TENT5A: variants seen among roughly 807,000 people sequenced by gnomAD.
TENT5A encodes terminal nucleotidyltransferase 5A, also known as HBV X-transactivated gene 11 protein.
Under a neutral mutation model 30.2 loss-of-function variants are expected in TENT5A, and 9 were observed. That is an observed-to-expected ratio of 0.30 (90% confidence interval 0.18 to 0.52). The LOEUF (loss-of-function observed/expected upper bound fraction) is 0.52, where lower values mean the gene tolerates loss of function less well. Among genes scored for constraint, TENT5A ranks in the 20% least tolerant of loss-of-function variants. TENT5A has a pLI of 0.97. For synonymous variants in TENT5A, 264 were observed against 234.2 expected (o/e 1.13, Z -1.16); for missense variants, 411 against 566.1 (o/e 0.73, Z 2.78).
chr6:81,746,596 A>C lies in TENT5A; in HGVS notation c.*3099T>G. The C allele has an allele frequency of 8.1e-7, 1 of 1,232,080 alleles. No individual in the cohort carries two copies. The highest frequency in any genetic ancestry group is 1.0e-6 in the Non-Finnish European group (1 of 987,904). 76.3% of individuals were successfully genotyped at this position (1,232,080 alleles called of 1,614,324 possible). A position where few individuals can be genotyped will look rare whatever the true frequency, so the allele number is the denominator to read the frequency against. On this transcript the variant is annotated 3_prime_UTR_variant, in exon 3 of 3. Transcript: ENST00000320172. ...TTACTGCAAATTAAGTAAACCTTTA[A>C]AAACGGCATTGTCACAGGCTATGTG...
chr6:81,747,448 C>G lies in TENT5A; in HGVS notation c.*2247G>C. The G allele has an allele frequency of 1.0e-6, 1 of 985,808 alleles. No individual in the cohort carries two copies. The highest frequency in any genetic ancestry group is 1.2e-6 in the Non-Finnish European group (1 of 829,912). 61.1% of individuals were successfully genotyped at this position (985,808 alleles called of 1,614,324 possible). ...AGTGCAGCGGCTGTTGCAGCTCTGA[C>G]AGAATTCACAAGGAAGCTGCTACAG... On this transcript the variant is annotated 3_prime_UTR_variant, in exon 3 of 3. Coordinates refer to ENST00000320172, the MANE Select transcript of TENT5A (RefSeq NM_017633.3).
In TENT5A at chr6:81,747,452, A is replaced by G. The variant is rs1034443541; in HGVS notation, c.*2243T>C. On this transcript the variant is annotated 3_prime_UTR_variant, in exon 3 of 3. Transcript: ENST00000320172. Reference sequence around the variant, plus strand: ...CAGCGGCTGTTGCAGCTCTGACAGAATTCACAAGGAAGCTGCTACAGCAAA... The same window carrying G: ...CAGCGGCTGTTGCAGCTCTGACAGAGTTCACAAGGAAGCTGCTACAGCAAA... The G allele has an allele frequency of 1.0e-6, 1 of 985,856 alleles. No individual in the cohort carries two copies. Among genetic ancestry groups the G allele is most frequent in the African/African-American group, 1.7e-5 (1 of 57,364 alleles). 61.1% of individuals were successfully genotyped at this position (985,856 alleles called of 1,614,324 possible). A position where few individuals can be genotyped will look rare whatever the true frequency, so the allele number is the denominator to read the frequency against.
At position 81,750,492 on chromosome 6, in the gene TENT5A, CA is replaced by C; in HGVS notation, c.553-22del. On this transcript the variant is annotated intron_variant, in intron 2 of 2. Coordinates refer to ENST00000320172, the MANE Select transcript of TENT5A (RefSeq NM_017633.3). This position sits in a 1 kb window ranked among gnomAD's most constrained non-coding sequence, Gnocchi z 4.2. Reference sequence around the variant, plus strand: ...GCTTCCTACAATTTAAAAGATAAAACAAAATGAGCAAACCTAGAAAATAATA... The same window carrying C: ...GCTTCCTACAATTTAAAAGATAAAACAAATGAGCAAACCTAGAAAATAATA... The C allele has an allele frequency of 7.4e-7, 1 of 1,350,286 alleles. No homozygotes were observed. The highest frequency in any genetic ancestry group is 1.0e-6 in the Non-Finnish European group (1 of 991,108). The allele number at this position is 1,350,286 out of a possible 1,614,324, so 83.6% of individuals were successfully genotyped here. A position where few individuals can be genotyped will look rare whatever the true frequency, so the allele number is the denominator to read the frequency against.
chr6:81,750,097 A>G lies in TENT5A; in HGVS notation c.927T>C (p.Asp309=). ...TATACCTTTGAAGGGTCTTGATTTC[A>G]TCAGAGGCGGGCCTAAAGCCCCTCA... ...LLVRGFRPAS[D]EIKTLQRYMC... The change falls in exon 3 of 3, where the codon GAT becomes GAC. Residue 309 remains aspartate (D), a synonymous_variant. Coordinates refer to ENST00000320172, the MANE Select transcript of TENT5A (RefSeq NM_017633.3). This position sits in a 1 kb window ranked among gnomAD's most constrained non-coding sequence, Gnocchi z 4.2. The G allele has an allele frequency of 6.2e-7, 1 of 1,613,876 alleles. No individual in the cohort carries two copies. Among genetic ancestry groups the G allele is most frequent in the Non-Finnish European group, 8.5e-7 (1 of 1,179,924 alleles).
Position 81,750,541 on chromosome 6 carries a change from C to T in TENT5A, c.553-70G>A, listed in dbSNP as rs1581990550. The stretch of plus-strand genomic sequence containing the variant: ...ATAAATCAATAAATAAATACATCCT[C>T]TTCACAGCTGAGAATTATTTTGCTC... On this transcript the variant is annotated intron_variant, in intron 2 of 2. Transcript: ENST00000320172. This position sits in a 1 kb window ranked among gnomAD's most constrained non-coding sequence, Gnocchi z 4.2. The T allele has an allele frequency of 2.1e-6, 2 of 946,530 alleles. No homozygotes were observed. The highest frequency in any genetic ancestry group is 5.4e-5 in the East Asian group (2 of 36,748). The allele number at this position is 946,530 out of a possible 1,614,324, so 58.6% of individuals were successfully genotyped here. A position where few individuals can be genotyped will look rare whatever the true frequency, so the allele number is the denominator to read the frequency against.
chr6:81,751,590 C>T lies in TENT5A; in HGVS notation c.552G>A (p.Lys184=), dbSNP rs1769035875. ...NKEKITPLTL[K]EAYVQKMVKV... is the part of the protein sequence containing the mutation. Reference sequence around the variant, plus strand: ...CCAAGTGCATCTCGGGTGGTGTTACCTTGAGCGTGAGTGGTGTGATCTTCT... The same window carrying T: ...CCAAGTGCATCTCGGGTGGTGTTACTTTGAGCGTGAGTGGTGTGATCTTCT... Residue 184 remains lysine, a splice_region_variant and synonymous_variant, in exon 2 of 3, where the codon AAG becomes AAA. Coordinates refer to ENST00000320172, the MANE Select transcript of TENT5A (RefSeq NM_017633.3). 1.9e-6 allele frequency: 3 copies of T among 1,602,702 alleles called. No homozygotes were observed. The highest frequency in any genetic ancestry group is 2.6e-6 in the Non-Finnish European group (3 of 1,174,030).
Position 81,751,851 on chromosome 6 carries a change from C to A in TENT5A, c.291G>T (p.Pro97=). Residue 97 remains proline (P), a synonymous_variant, in exon 2 of 3, where the codon CCG becomes CCT. Coordinates refer to ENST00000320172, the MANE Select transcript of TENT5A (RefSeq NM_017633.3). ...GCCGCACCACCTTCACGATCAGGCT[C>A]GGCTGCAGCTCGAGCGTGGGGAAGT... The part of the protein sequence containing the change: ...RGNFPTLELQ[P]SLIVKVVRRR... 6.2e-7 allele frequency: 1 copy of A among 1,613,124 alleles called. No homozygotes were observed.
Position 81,747,023 on chromosome 6 carries a change from G to T in TENT5A, c.*2672C>A. ...ACCAACCCTGAAGTAAGCAAGAAAA[G>T]AATATAAATATTTAAGAAAATAAAT... On this transcript the variant is annotated 3_prime_UTR_variant, in exon 3 of 3. Transcript: ENST00000320172. 1 of 984,928 alleles carries T rather than the reference G, an allele frequency of 1.0e-6. No individual in the cohort carries two copies. The highest frequency in any genetic ancestry group is 1.2e-6 in the Non-Finnish European group (1 of 829,362). 61.0% of individuals were successfully genotyped at this position (984,928 alleles called of 1,614,324 possible). A position where few individuals can be genotyped will look rare whatever the true frequency, so the allele number is the denominator to read the frequency against.
In TENT5A at chr6:81,752,547, G is replaced by A. The variant is rs1392603196; in HGVS notation, c.-154C>T. 9.1e-7 allele frequency: 1 copy of A among 1,098,486 alleles called. No individual in the cohort carries two copies. The highest frequency in any genetic ancestry group is 1.4e-6 in the Non-Finnish European group (1 of 735,010). The allele number at this position is 1,098,486 out of a possible 1,614,324, so 68.0% of individuals were successfully genotyped here. A position where few individuals can be genotyped will look rare whatever the true frequency, so the allele number is the denominator to read the frequency against. ...GCAAATAGCGACTTCGTCTTTCCCA[G>A]ACCCCTGCCGCCTGCGCTCACCACT... On this transcript the variant is annotated 5_prime_UTR_variant, in exon 1 of 3. Transcript: ENST00000320172.
At chr6:81,751,510 A>C in intron 2 of TENT5A, 80 bp downstream of exon 2, 95 of 1,291,000 alleles carry the variant, frequency 7.4e-5, no homozygotes, top group Non-Finnish European at 9.7e-5. Context: ...CATGGCATTT[A>C]ACCGATGCCC....
Position 81,747,669 on chromosome 6 carries a change from G to T in TENT5A, c.*2026C>A, listed in dbSNP as rs1037969609. 1.9e-5 allele frequency: 19 copies of T among 985,376 alleles called. No individual in the cohort carries two copies. The highest frequency in any genetic ancestry group is 2.2e-5 in the Non-Finnish European group (18 of 829,668). The allele number at this position is 985,376 out of a possible 1,614,324, so 61.0% of individuals were successfully genotyped here. A position where few individuals can be genotyped will look rare whatever the true frequency, so the allele number is the denominator to read the frequency against. On this transcript the variant is annotated 3_prime_UTR_variant, in exon 3 of 3. Coordinates refer to ENST00000320172, the MANE Select transcript of TENT5A (RefSeq NM_017633.3). ...ACTGATGATGAAAATCTTCTAATTG[G>T]GTCTTCGAGGAATTATCATAGCAAG... is the stretch of plus-strand genomic sequence containing the variant.
rs978403385 is a variant in TENT5A at position 81,745,789 on chromosome 6, C to T, written c.*3906G>A. On this transcript the variant is annotated 3_prime_UTR_variant, in exon 3 of 3. Coordinates refer to ENST00000320172, the MANE Select transcript of TENT5A (RefSeq NM_017633.3). Reference sequence around the variant, plus strand: ...AAATCCAAATATTGGATGCTGTAAACAAAATTCACAATCTGTTCCCTCTAG... The same window carrying T: ...AAATCCAAATATTGGATGCTGTAAATAAAATTCACAATCTGTTCCCTCTAG... The T allele has an allele frequency of 1.0e-6, 1 of 985,550 alleles. No homozygotes were observed. Among genetic ancestry groups the T allele is most frequent in the Admixed American group, 6.2e-5 (1 of 16,260 alleles). The allele number at this position is 985,550 out of a possible 1,614,324, so 61.1% of individuals were successfully genotyped here.
rs1053281465 is a variant in TENT5A, at chr6:81,746,690, G to A, written c.*3005C>T. 6.5e-6 allele frequency: 8 copies of A among 1,228,810 alleles called. No homozygotes were observed. The highest frequency in any genetic ancestry group is 8.1e-6 in the Non-Finnish European group (8 of 986,252). The allele number at this position is 1,228,810 out of a possible 1,614,324, so 76.1% of individuals were successfully genotyped here. ...AGACAAAACTTCTTCCTGGTTTAAA[G>A]AAACAGCACACTAGGCCAGATAAAC... On this transcript the variant is annotated 3_prime_UTR_variant, in exon 3 of 3. Transcript: ENST00000320172.
In TENT5A at chr6:81,748,616, TATATAC is replaced by T; in HGVS notation, c.*1073_*1078del. On this transcript the variant is annotated 3_prime_UTR_variant, in exon 3 of 3. Transcript: ENST00000320172. ...TAGATCATAGTCAATCTACTGTGTATATATACATATAAAATGTATATATAAAATGTA... is the reference window on the plus strand; with the variant it reads ...TAGATCATAGTCAATCTACTGTGTATATATAAAATGTATATATAAAATGTA... The T allele has an allele frequency of 2.1e-6, 2 of 937,654 alleles. No individual in the cohort carries two copies. The highest frequency in any genetic ancestry group is 2.5e-6 in the Non-Finnish European group (2 of 786,498). The allele number at this position is 937,654 out of a possible 1,614,324, so 58.1% of individuals were successfully genotyped here. A position where few individuals can be genotyped will look rare whatever the true frequency, so the allele number is the denominator to read the frequency against.
rs1768899545 is a variant in TENT5A, at chr6:81,747,048, T to C, written c.*2647A>G. ...GAATATAAATATTTAAGAAAATAAA[T>C]CAAAGTGTATTTCAAATAAGGCTCT... On this transcript the variant is annotated 3_prime_UTR_variant, in exon 3 of 3. Transcript: ENST00000320172. 1 of 983,358 alleles carries C rather than the reference T, an allele frequency of 1.0e-6. No individual in the cohort carries two copies. Among genetic ancestry groups the C allele is most frequent in the Admixed American group, 6.2e-5 (1 of 16,258 alleles). 60.9% of individuals were successfully genotyped at this position (983,358 alleles called of 1,614,324 possible). A position where few individuals can be genotyped will look rare whatever the true frequency, so the allele number is the denominator to read the frequency against.
rs1213353751 is a variant in TENT5A at position 81,752,092 on chromosome 6, C to T, written c.50G>A (p.Cys17Tyr). The change falls in exon 2 of 3, where the codon TGC (cysteine) becomes TAC (tyrosine). Residue 17 changes from cysteine (C) to tyrosine (Y), a missense_variant. Transcript: ENST00000320172. ...YFAMSEDELA[C>Y]SPYIPLGGDF... ...GCCGCCTAGGGGGATGTAGGGGCTG[C>T]AGGCCAGCTCGTCCTCAGACATGGC... 14 of 1,406,910 alleles carry T rather than the reference C, an allele frequency of 1.0e-5. No individual in the cohort carries two copies. Among genetic ancestry groups the T allele is most frequent in the Non-Finnish European group, 1.3e-5 (14 of 1,073,236 alleles). 87.2% of individuals were successfully genotyped at this position (1,406,910 alleles called of 1,614,324 possible).
At position 81,748,751 on chromosome 6, in the gene TENT5A, G is replaced by A. The variant is rs779934201; in HGVS notation, c.*944C>T. On this transcript the variant is annotated 3_prime_UTR_variant, in exon 3 of 3. Coordinates refer to ENST00000320172, the MANE Select transcript of TENT5A (RefSeq NM_017633.3). ...ATACAAGTATTTGCAAGAAAAAATA[G>A]GGCATTTTCTCCACCATTCACAAGC... is the stretch of plus-strand genomic sequence containing the variant. 7.1e-6 allele frequency: 7 copies of A among 985,478 alleles called. No individual in the cohort carries two copies. The highest frequency in any genetic ancestry group is 8.4e-6 in the Non-Finnish European group (7 of 829,744). The allele number at this position is 985,478 out of a possible 1,614,324, so 61.0% of individuals were successfully genotyped here.
Position 81,747,578 on chromosome 6 carries a change from G to A in TENT5A, c.*2117C>T. On this transcript the variant is annotated 3_prime_UTR_variant, in exon 3 of 3. Coordinates refer to ENST00000320172, the MANE Select transcript of TENT5A (RefSeq NM_017633.3). ...AGCACTAAGCATCTGAGGATCCCTA[G>A]ATAAACAAACAAACAAATTATACTG... The A allele has an allele frequency of 1.0e-6, 1 of 985,566 alleles. No homozygotes were observed. Among genetic ancestry groups the A allele is most frequent in the Admixed American group, 6.1e-5 (1 of 16,286 alleles). The allele number at this position is 985,566 out of a possible 1,614,324, so 61.1% of individuals were successfully genotyped here.
At chr6:81,752,294 A>T in intron 1 of TENT5A, 116 bp from the exon 2 acceptor site, 1 of 1,519,166 alleles carries the variant, frequency 6.6e-7, no homozygotes, top group Non-Finnish European at 8.8e-7. Flanking sequence ...TAGTTCCCTG[A>T]CCCCGGGCCT....
Sources: gnomAD v4.1 joint callset for allele counts on GRCh38, gnomAD v4.1.1 for gene constraint, Gnocchi (gnomAD v3.1) non-coding constraint, MANE v1.5 for transcripts, NCBI Gene and HGNC (gene_info 2026-07-23, HGNC 2026-07-21) for gene names.